DEFB116: variants seen among roughly 807,000 people sequenced by gnomAD.
DEFB116 encodes beta-defensin 116.
Under a neutral mutation model 2.8 loss-of-function variants are expected in DEFB116, and 5 were observed. The observed-to-expected ratio is 1.80, with a 90% CI of 0.94 to 3.79. The LOEUF (loss-of-function observed/expected upper bound fraction) is 3.79. DEFB116 is among the 30% of genes most tolerant of loss of function. The probability of loss-of-function intolerance (pLI) is 0.00; values close to 1 mark genes in which losing one functional copy is unlikely to be tolerated. For synonymous variants in DEFB116, 56 were observed against 40.8 expected, an observed-to-expected ratio of 1.37 and a Z score of -1.42; for missense variants, 170 against 118.0, an observed-to-expected ratio of 1.44 and a Z score of -2.04.
intron 1 of DEFB116, among the ~76,000 whole-genome samples, chr20:31,305,063 A>C (rs1463187372): frequency 6.6e-6 from 1 of 152,060 alleles, no homozygotes; most frequent in African/African-American, 2.4e-5. Flanking sequence ...AGGGATTTCA[A>C]CTGCTCCAAC....
intron 1 of DEFB116, among the ~76,000 whole-genome samples, chr20:31,305,231 T>C (rs899858195): frequency 1.3e-5 from 2 of 152,094 alleles, no homozygotes; most frequent in Non-Finnish European, 2.9e-5. Context: ...ATTATACTTA[T>C]GGGAGAAGAA....
chr20:31,306,585 T>A, intron 1 of DEFB116, among the ~76,000 whole-genome samples: 1 of 151,764 alleles, frequency 6.6e-6, no homozygotes, highest in East Asian at 1.9e-4. Context: ...TTACTGAGCA[T>A]GAGAACAAAT....
chr20:31,308,042 A>G (rs1224008098), intron 1 of DEFB116, among the ~76,000 whole-genome samples: 1 of 152,032 alleles, frequency 6.6e-6, no homozygotes, highest in Non-Finnish European at 1.5e-5. Context: ...TCCTCTCTAG[A>G]ATGCACCAAA....
At chr20:31,303,536 A>C in intron 1 of DEFB116, 83 bp from the exon 2 acceptor site, 1 of 1,541,262 alleles carries the variant, frequency 6.5e-7, no homozygotes, top group South Asian at 1.3e-5. Context: ...ACACGCCCTA[A>C]GACTATTAAG....
Position 31,307,477 on chromosome 20 carries a change from T to C in DEFB116, c.67+1042A>G, listed in dbSNP as rs900902876. On this transcript the variant is annotated intron_variant, in intron 1 of 1. Transcript: ENST00000400549. ...ACTATAAAACTCCTAGGAGAAAACA[T>C]AGAGAAAAAGCTTCTTGACGTTGGC... Among the ~76,000 whole-genome samples the C allele has an allele frequency of 2.6e-5, 4 of 152,012 alleles. No individual in the cohort carries two copies. In the East Asian group the frequency reaches 5.8e-4, roughly 22 times the overall value.
intron 1 of DEFB116, 86 bp from the exon 2 acceptor site, chr20:31,303,539 C>A: frequency 1.3e-6 from 2 of 1,513,932 alleles, no homozygotes; most frequent in Non-Finnish European, 1.8e-6. Flanking sequence ...CGCCCTAAGA[C>A]TATTAAGGGC....
Position 31,303,832 on chromosome 20 carries a change from G to C in DEFB116, c.68-379C>G, listed in dbSNP as rs544325073. Reference sequence around the variant, plus strand: ...GTATGAGGTTTCAAGGTATGCCACTGTGAGCACATATGTCCCCAAGTGCCT... The same window carrying C: ...GTATGAGGTTTCAAGGTATGCCACTCTGAGCACATATGTCCCCAAGTGCCT... On this transcript the variant is annotated intron_variant, in intron 1 of 1. Coordinates refer to ENST00000400549, the MANE Select transcript of DEFB116 (RefSeq NM_001037731.1). Among the ~76,000 whole-genome samples the C allele has an allele frequency of 3.1e-4, 47 of 152,236 alleles. 2 individuals carry two copies. The South Asian group carries it at 9.3e-3, about 30-fold the overall frequency.
At chr20:31,305,721 T>A (rs1274421457) in intron 1 of DEFB116, among the ~76,000 whole-genome samples, 1 of 151,962 alleles carries the variant, frequency 6.6e-6, no homozygotes. Flanking sequence ...TCTCTCCATG[T>A]CAGAAAATGG....
chr20:31,306,715 G>A (rs1410957980), intron 1 of DEFB116, among the ~76,000 whole-genome samples: 1 of 152,112 alleles, frequency 6.6e-6, no homozygotes, highest in East Asian at 1.9e-4. Flanking sequence ...GAAAGAGGAA[G>A]AGGAGGAGAA....
rs1037867206 is a variant in DEFB116 at position 31,307,856 on chromosome 20, C to A, written c.67+663G>T. 2.6e-5 allele frequency among the ~76,000 whole-genome samples: 4 copies of A among 151,964 alleles called. No homozygotes were observed. In the East Asian group the frequency reaches 7.7e-4, roughly 29 times the overall value. ...ACACTAACTACAACTCAAGCCCTAC[C>A]TCTTCTAATAACCACCAAAAGCCCA... is the stretch of plus-strand genomic sequence containing the variant. On this transcript the variant is annotated intron_variant, in intron 1 of 1. Transcript: ENST00000400549.
Position 31,303,246 on chromosome 20 carries a change from G to A in DEFB116, c.275C>T (p.Ser92Leu), listed in dbSNP as rs775075640. The change falls in exon 2 of 2, where the codon TCA becomes TTA. Residue 92 changes from serine (S) to leucine (L), a missense_variant. Physicochemically the swap from Ser to Leu is moderately radical, Grantham distance 145 (BLOSUM62 -2). Coordinates refer to ENST00000400549, the MANE Select transcript of DEFB116 (RefSeq NM_001037731.1). ...AGAGTAGCTTGAACTGTTTGTAACTGACAAGTTGGAGTTAGAGTCGTAATC... is the reference window on the plus strand; with the variant it reads ...AGAGTAGCTTGAACTGTTTGTAACTAACAAGTTGGAGTTAGAGTCGTAATC... ...KEDYDSNSNL[S>L]VTNSSSYSHI The A allele has an allele frequency of 3.7e-6, 6 of 1,613,372 alleles. No homozygotes were observed. The highest frequency in any genetic ancestry group is 4.2e-6 in the Non-Finnish European group (5 of 1,179,560).
At position 31,308,565 on chromosome 20, in the gene DEFB116, A is replaced by G. The variant is rs759566931; in HGVS notation, c.21T>C (p.Cys7=). 3.1e-6 allele frequency: 5 copies of G among 1,613,572 alleles called. No individual in the cohort carries two copies. The South Asian group carries it at 5.5e-5, about 18-fold the overall frequency. The stretch of plus-strand genomic sequence containing the variant: ...TCATAAGGATGGCAATGGTCATTAA[A>G]CAGGGCTTCATGACTGACATGTTCC... The part of the protein sequence containing the change: MSVMKP[C]LMTIAILMIL... Residue 7 remains cysteine (C), a synonymous_variant, in exon 1 of 2, where the codon TGT becomes TGC. Coordinates refer to ENST00000400549, the MANE Select transcript of DEFB116 (RefSeq NM_001037731.1).
At chr20:31,304,586 T>C (rs1984951065) in intron 1 of DEFB116, among the ~76,000 whole-genome samples, 1 of 152,094 alleles carries the variant, frequency 6.6e-6, no homozygotes. Context: ...TATGCTCTTT[T>C]CTCTCTGTGT....
chr20:31,303,364 C>T lies in DEFB116; in HGVS notation c.157G>A (p.Glu53Lys), dbSNP rs976484149. ...CAGGTTAAGTATTGGATTTCATATT[C>T]TCTGCAGGCGTTTCTGCACATGCCT... ...YQGMCRNACREYEIQYLTCPN... is the reference protein window; with the variant it reads ...YQGMCRNACRKYEIQYLTCPN... The change falls in exon 2 of 2, where the codon GAA (glutamate) becomes AAA (lysine). Residue 53 changes from glutamate to lysine, a missense_variant. Transcript: ENST00000400549. 6.2e-7 allele frequency: 1 copy of T among 1,613,608 alleles called. No homozygotes were observed. The highest frequency in any genetic ancestry group is 1.1e-5 in the South Asian group (1 of 91,076).
At chr20:31,305,064 C>A (rs918208444) in intron 1 of DEFB116, among the ~76,000 whole-genome samples, 2 of 152,018 alleles carry the variant, frequency 1.3e-5, no homozygotes, top group African/African-American at 4.8e-5. Flanking sequence ...GGGATTTCAA[C>A]TGCTCCAACA....
chr20:31,303,421 G>T lies in DEFB116; in HGVS notation c.100C>A (p.Arg34=). ...AGCTCACATGGATTCCAAGGCTCTC[G>T]GCTCTTGCCATTGTGGGATCTGAAC... ...GLFRSHNGKS[R]EPWNPCELYQ... The change falls in exon 2 of 2, where the codon CGA becomes AGA. Residue 34 remains arginine, a synonymous_variant. Coordinates refer to ENST00000400549, the MANE Select transcript of DEFB116 (RefSeq NM_001037731.1). 6.2e-7 allele frequency: 1 copy of T among 1,613,342 alleles called. No individual in the cohort carries two copies. Among genetic ancestry groups the T allele is most frequent in the Non-Finnish European group, 8.5e-7 (1 of 1,179,500 alleles).
rs187941248 is a variant in DEFB116 at position 31,305,346 on chromosome 20, C to A, written c.68-1893G>T. Reference sequence around the variant, plus strand: ...AACACACTGGAGGGCAGTTGGAGACCCAAGATTTCCTGTCTGCAGTCACTG... The same window carrying A: ...AACACACTGGAGGGCAGTTGGAGACACAAGATTTCCTGTCTGCAGTCACTG... On this transcript the variant is annotated intron_variant, in intron 1 of 1. Transcript: ENST00000400549. Among the ~76,000 whole-genome samples, 59 of 152,032 alleles carry A rather than the reference C, an allele frequency of 3.9e-4. 1 individual carries two copies. Among genetic ancestry groups the A allele is most frequent in the African/African-American group, 1.3e-3 (52 of 41,472 alleles).
chr20:31,303,463 A>G lies in DEFB116; in HGVS notation c.68-10T>C, dbSNP rs1012979200. ...GATCTGAACAGGCCACCTGGGAAAG[A>G]CATGGCCATGTTTAGTTTCCATGCA... On this transcript the variant is annotated splice_polypyrimidine_tract_variant and intron_variant, in intron 1 of 1. Coordinates refer to ENST00000400549, the MANE Select transcript of DEFB116 (RefSeq NM_001037731.1). 3 of 1,612,476 alleles carry G rather than the reference A, an allele frequency of 1.9e-6. No individual in the cohort carries two copies. In the African/African-American group the frequency reaches 4.0e-5, roughly 22 times the overall value.
At position 31,308,523 on chromosome 20, in the gene DEFB116, A is replaced by C. The variant is rs1157469997; in HGVS notation, c.63T>G (p.Thr21=). ...TTTGAGAGAGGCCTGAGTTACCTGG[A>C]GTCTTTTGAGCCAGGATCATAAGGA... ...IAILMILAQK[T]PGGLFRSHNG... The change falls in exon 1 of 2, where the codon ACT becomes ACG. Residue 21 remains threonine (T), a synonymous_variant. Transcript: ENST00000400549. 1 of 1,613,470 alleles carries C rather than the reference A, an allele frequency of 6.2e-7. No individual in the cohort carries two copies. The highest frequency in any genetic ancestry group is 1.7e-5 in the Admixed American group (1 of 59,994).
Sources: allele counts gnomAD v4.1 joint callset (sites outside exome capture counted in the v4.1 genomes callset), GRCh38; gene constraint gnomAD v4.1.1; transcripts MANE v1.5; gene names NCBI Gene and HGNC (gene_info 2026-07-23, HGNC 2026-07-21).